Variants in FGGY observed in about 807,000 individuals in gnomAD.
FGGY encodes the protein FGGY carbohydrate kinase domain-containing protein.
In FGGY, 72 loss-of-function variants were observed where a neutral mutation model predicts 71.3. The ratio of observed to expected loss-of-function variants is 1.01; its 90% CI spans 0.84 to 1.23. The LOEUF is 1.23. Among genes scored for constraint, FGGY ranks in the 50% most tolerant of loss-of-function variants. The pLI is 0.00. For synonymous variants in FGGY, 251 were observed against 250.3 expected, an observed-to-expected ratio of 1.00 and a Z score of -0.02; for missense variants, 668 against 682.3, an observed-to-expected ratio of 0.98 and a Z score of 0.23.
At chr1:59,323,604 AC>A (rs2046796572) in intron 2 of FGGY, among the ~76,000 whole-genome samples, 1 of 152,236 alleles carries the variant, frequency 6.6e-6, no homozygotes, top group East Asian at 1.9e-4. Context: ...GTTATAGAGC[AC>A]AGATTCTGCA....
chr1:59,576,479 G>A (rs1256821990), intron 8 of FGGY, among the ~76,000 whole-genome samples: 1 of 152,066 alleles, frequency 6.6e-6, no homozygotes, highest in African/African-American at 2.4e-5. Context: ...ATGACGGGTT[G>A]ATAGGTGCAG....
At chr1:59,393,510 T>C (rs2060949566) in intron 5 of FGGY, among the ~76,000 whole-genome samples, 1 of 152,174 alleles carries the variant, frequency 6.6e-6, no homozygotes. Flanking sequence ...TAAGTTTAGA[T>C]TGTGCTAGAG....
chr1:59,311,748 G>T (rs1205938207), intron 1 of FGGY, among the ~76,000 whole-genome samples: 1 of 152,242 alleles, frequency 6.6e-6, no homozygotes, highest in East Asian at 1.9e-4. Context: ...ATTCCTTTGG[G>T]TATATACCCA....
At chr1:59,651,270 G>A (rs555043889) in intron 11 of FGGY, among the ~76,000 whole-genome samples, 34 of 152,156 alleles carry the variant, frequency 2.2e-4, no homozygotes, top group African/African-American at 7.2e-4. Context: ...TATTAGGTCC[G>A]CTTGGTGCAG....
intron 4 of FGGY, among the ~76,000 whole-genome samples, chr1:59,347,007 G>A (rs2052112260): frequency 6.7e-6 from 1 of 149,232 alleles, no homozygotes; most frequent in Non-Finnish European, 1.5e-5. Context: ...CGTCGTGGTG[G>A]AAGGAAAAAT....
chr1:59,639,410 A>C (rs1019602715), intron 11 of FGGY, among the ~76,000 whole-genome samples: 1 of 152,242 alleles, frequency 6.6e-6, no homozygotes, highest in Non-Finnish European at 1.5e-5. Flanking sequence ...AAAATTAGAC[A>C]TGACAAAGGT....
At chr1:59,729,357 A>G (rs576755760) in intron 14 of FGGY, among the ~76,000 whole-genome samples, 7 of 152,098 alleles carry the variant, frequency 4.6e-5, no homozygotes, top group Non-Finnish European at 1.0e-4. Context: ...TTTGTGTTAT[A>G]TCTGAGTTGG....
intron 7 of FGGY, among the ~76,000 whole-genome samples, chr1:59,537,326 C>G (rs2095344506): frequency 6.6e-6 from 1 of 152,038 alleles, no homozygotes. Flanking sequence ...AACTACAAAC[C>G]ACTGCTCAAG....
chr1:59,573,324 ATAAG>A (rs2096018687), intron 8 of FGGY, among the ~76,000 whole-genome samples: 1 of 152,182 alleles, frequency 6.6e-6, no homozygotes, highest in African/African-American at 2.4e-5. Flanking sequence ...TTATGGATAT[ATAAG>A]AGAATATCCT....
chr1:59,489,837 G>T (rs1481093740), intron 6 of FGGY, among the ~76,000 whole-genome samples: 1 of 152,074 alleles, frequency 6.6e-6, no homozygotes, highest in Non-Finnish European at 1.5e-5. Context: ...CCCACCAATA[G>T]TGTAAGAGTC....
At chr1:59,416,732 A>T (rs940060273) in intron 5 of FGGY, among the ~76,000 whole-genome samples, 31 of 152,202 alleles carry the variant, frequency 2.0e-4, no homozygotes, top group Non-Finnish European at 8.8e-5. Flanking sequence ...TGAGAAGAGC[A>T]TGATGAGATT....
chr1:59,616,278 A>G (rs749134405), intron 9 of FGGY, among the ~76,000 whole-genome samples: 1 of 152,274 alleles, frequency 6.6e-6, no homozygotes, highest in Non-Finnish European at 1.5e-5. Context: ...AATGTGGCAC[A>G]TATACACCAT....
At chr1:59,533,031 C>G (rs544411231) in intron 7 of FGGY, among the ~76,000 whole-genome samples, 1 of 152,186 alleles carries the variant, frequency 6.6e-6, no homozygotes, top group Admixed American at 6.5e-5. Context: ...GAACAGCTCC[C>G]GTCTACAGCT....
chr1:59,309,501 G>T (rs779946533), intron 1 of FGGY, among the ~76,000 whole-genome samples: 3 of 152,168 alleles, frequency 2.0e-5, no homozygotes, highest in Non-Finnish European at 4.4e-5. Context: ...TGAGCTTAGA[G>T]GTCCTTTTGG....
intron 8 of FGGY, among the ~76,000 whole-genome samples, chr1:59,580,297 C>T (rs934235827): frequency 6.6e-6 from 1 of 152,126 alleles, no homozygotes; most frequent in Non-Finnish European, 1.5e-5. Flanking sequence ...AATAGACTCT[C>T]ACAAATAGTT....
intron 7 of FGGY, among the ~76,000 whole-genome samples, chr1:59,520,855 C>T (rs985109929): frequency 2.0e-5 from 3 of 152,106 alleles, no homozygotes; most frequent in Non-Finnish European, 4.4e-5. Flanking sequence ...GCACTGAGGA[C>T]ACTGGGGTCA....
intron 14 of FGGY, among the ~76,000 whole-genome samples, chr1:59,712,943 A>G (rs778691794): frequency 1.3e-5 from 2 of 152,124 alleles, no homozygotes; most frequent in African/African-American, 2.4e-5. Flanking sequence ...TTTCTATTGC[A>G]TTGTCAGGCT....
At chr1:59,616,688 T>C (rs1186183877) in intron 9 of FGGY, among the ~76,000 whole-genome samples, 1 of 152,080 alleles carries the variant, frequency 6.6e-6, no homozygotes, top group Admixed American at 6.5e-5. Flanking sequence ...AATTGTAGCT[T>C]ACTGAGTATT....
chr1:59,545,594 C>T (rs550505600), intron 7 of FGGY, among the ~76,000 whole-genome samples: 1 of 152,276 alleles, frequency 6.6e-6, no homozygotes, highest in Non-Finnish European at 1.5e-5. Context: ...CTAGTTTTCT[C>T]TAAGTCTCAA....
Sources: allele counts gnomAD v4.1 joint callset (sites outside exome capture counted in the v4.1 genomes callset), GRCh38; gene constraint gnomAD v4.1.1; transcripts MANE v1.5; gene names NCBI Gene and HGNC (gene_info 2026-07-23, HGNC 2026-07-21).